The following DNTT variants were observed in gnomAD, a reference collection of about 807,000 sequenced individuals.
The protein encoded by DNTT is DNA nucleotidylexotransferase, also known as nucleosidetriphosphate:DNA deoxynucleotidylexotransferase.
Under a neutral mutation model 60.9 loss-of-function variants are expected in DNTT, and 47 were observed. The ratio of observed to expected loss-of-function variants is 0.77; its 90% CI spans 0.61 to 0.98. The LOEUF (loss-of-function observed/expected upper bound fraction) is 0.98. Ranked by LOEUF, DNTT falls within the 50% of genes least tolerant of loss-of-function variation. DNTT has a pLI of 0.00. For synonymous variants in DNTT, 224 were observed against 221.2 expected (o/e 1.01, Z -0.11); for missense variants, 665 against 627.5 (o/e 1.06, Z -0.64).
In DNTT at chr10:96,318,466, G is replaced by T. The variant is rs748830243; in HGVS notation, c.318G>T (p.Trp106Cys). 1 of 1,613,932 alleles carries T rather than the reference G, an allele frequency of 6.2e-7. No individual in the cohort carries two copies. Among genetic ancestry groups the T allele is most frequent in the South Asian group, 1.1e-5 (1 of 91,054 alleles). Residue 106 changes from tryptophan to cysteine, a missense_variant, in exon 2 of 11, where the codon TGG becomes TGT. Physicochemically the swap from Trp to Cys is radical, Grantham distance 215. Transcript: ENST00000371174. ...AACCAGAGCTCCTCGATGTCTCCTG[G>T]CTGATCGAATGCATAAGAGCAGGGA... ...SSQPELLDVS[W>C]LIECIRAGKP...
chr10:96,319,658 C>A (rs528248201), intron 3 of DNTT, among the ~76,000 whole-genome samples: 4 of 152,100 alleles, frequency 2.6e-5, no homozygotes, highest in African/African-American at 9.7e-5. Flanking sequence ...CATTAATGGG[C>A]GCAACACTTG....
In DNTT at chr10:96,330,086, C is replaced by T. The variant is rs577826955; in HGVS notation, c.1113+1256C>T. Reference sequence around the variant, plus strand: ...GGGAAGCCAGAGCCCAGAGGGCTGCCCTGTAGATAGCCGGGGCTGGAGATC... The same window carrying T: ...GGGAAGCCAGAGCCCAGAGGGCTGCTCTGTAGATAGCCGGGGCTGGAGATC... On this transcript the variant is annotated intron_variant, in intron 8 of 10. Transcript: ENST00000371174. Among the ~76,000 whole-genome samples, 39 of 152,292 alleles carry T rather than the reference C, an allele frequency of 2.6e-4. No homozygotes were observed. The South Asian group carries it at 7.7e-3, about 30-fold the overall frequency.
chr10:96,328,835 GAAGA>G lies in DNTT; in HGVS notation c.1113+10_1113+13del. The G allele has an allele frequency of 6.2e-7, 1 of 1,610,322 alleles. No homozygotes were observed. Among genetic ancestry groups the G allele is most frequent in the African/African-American group, 1.3e-5 (1 of 74,874 alleles). ...ATGAACTTATGGGAAAAGAAGGTGA[GAAGA>G]AAGATGAAAAATACATGCACACGCA... On this transcript the variant is annotated splice_donor_region_variant and intron_variant, in intron 8 of 10. Transcript: ENST00000371174.
chr10:96,304,523 T>G lies in DNTT; in HGVS notation c.26T>G (p.Leu9Trp). 1 of 1,613,958 alleles carries G rather than the reference T, an allele frequency of 6.2e-7. No individual in the cohort carries two copies. The highest frequency in any genetic ancestry group is 8.5e-7 in the Non-Finnish European group (1 of 1,180,008). The change falls in exon 1 of 11, where the codon TTG becomes TGG. Residue 9 changes from leucine (L) to tryptophan (W), a missense_variant. Transcript: ENST00000371174. ...ATGGATCCACCACGAGCGTCCCACTTGAGCCCTCGGAAGAAGAGACCCCGG... is the reference window on the plus strand; with the variant it reads ...ATGGATCCACCACGAGCGTCCCACTGGAGCCCTCGGAAGAAGAGACCCCGG... MDPPRASH[L>W]SPRKKRPRQT...
At chr10:96,335,589 C>T (rs550597877) in intron 9 of DNTT, among the ~76,000 whole-genome samples, 1 of 152,218 alleles carries the variant, frequency 6.6e-6, no homozygotes, top group Admixed American at 6.5e-5. Context: ...CCTGGTAGAA[C>T]GCTCACGCTA....
At chr10:96,330,435 G>T (rs991678963) in intron 8 of DNTT, among the ~76,000 whole-genome samples, 1 of 151,522 alleles carries the variant, frequency 6.6e-6, no homozygotes, top group East Asian at 1.9e-4. Flanking sequence ...TACACAAAAG[G>T]CTGCTATTCT....
chr10:96,337,311 T>C (rs1188742919), intron 10 of DNTT, among the ~76,000 whole-genome samples: 1 of 152,184 alleles, frequency 6.6e-6, no homozygotes, highest in Non-Finnish European at 1.5e-5. Flanking sequence ...GTGGCTCTGA[T>C]TGGCCAGACT....
chr10:96,320,246 C>A (rs7090840), intron 3 of DNTT, among the ~76,000 whole-genome samples: 141,973 of 152,284 alleles, frequency 0.93, 67,014 homozygotes, highest in Non-Finnish European at 1. Context: ...TTTCATGGGG[C>A]TGCTCAGTGA....
In DNTT at chr10:96,322,620, C is replaced by T. The variant is rs371971710; in HGVS notation, c.679-37C>T. 123 of 1,528,250 alleles carry T rather than the reference C, an allele frequency of 8.0e-5. 2 individuals carry two copies. In the African/African-American group the frequency reaches 1.3e-3, roughly 16 times the overall value. The allele number at this position is 1,528,250 out of a possible 1,614,324, so 94.7% of individuals were successfully genotyped here. On this transcript the variant is annotated intron_variant, in intron 4 of 10. Transcript: ENST00000371174. Reference sequence around the variant, plus strand: ...AGAGTCTTAGACAGTAATTGTCCAACATCACTAATTTAAAATATTTTTCAA... The same window carrying T: ...AGAGTCTTAGACAGTAATTGTCCAATATCACTAATTTAAAATATTTTTCAA...
At position 96,332,573 on chromosome 10, in the gene DNTT, C is replaced by T. The variant is rs1845020106; in HGVS notation, c.1336C>T (p.Leu446=). The stretch of plus-strand genomic sequence containing the variant: ...CCCCTACGAGCGTCGTGCCTTTGCC[C>T]TGTTGGGATGGACTGGCTCCCGGGT... ...LCPYERRAFA[L]LGWTGSRQFE... is the part of the protein sequence containing the mutation. The change falls in exon 9 of 11, where the codon CTG becomes TTG. Residue 446 remains leucine (L), a synonymous_variant. Coordinates refer to ENST00000371174, the MANE Select transcript of DNTT (RefSeq NM_004088.4). 1 of 1,612,758 alleles carries T rather than the reference C, an allele frequency of 6.2e-7. No individual in the cohort carries two copies.
At chr10:96,307,712 T>C (rs1163628409) in intron 1 of DNTT, among the ~76,000 whole-genome samples, 1 of 122,368 alleles carries the variant, frequency 8.2e-6, no homozygotes, top group Non-Finnish European at 1.6e-5. Flanking sequence ...TGTGTATATA[T>C]ATATATATAT....
At chr10:96,320,995 C>A (rs1354700665) in intron 4 of DNTT, among the ~76,000 whole-genome samples, 1 of 152,044 alleles carries the variant, frequency 6.6e-6, no homozygotes, top group East Asian at 1.9e-4. Context: ...CATACACACA[C>A]ACATACACAT....
intron 1 of DNTT, among the ~76,000 whole-genome samples, chr10:96,314,350 T>G (rs1844757616): frequency 6.8e-6 from 1 of 147,956 alleles, no homozygotes; most frequent in African/African-American, 2.5e-5. Flanking sequence ...CTGCTCCACC[T>G]ACTAATTATT....
rs544342101 is a variant in DNTT, at chr10:96,308,793, G to A, written c.203+4093G>A. Among the ~76,000 whole-genome samples the A allele has an allele frequency of 5.3e-5, 8 of 152,286 alleles. No individual in the cohort carries two copies. In the South Asian group the frequency reaches 1.7e-3, roughly 32 times the overall value. ...TGGGCAGGGGGCGGATCTCAACAAA[G>A]TACATTCTTAAAGGTGGGGAGAATT... On this transcript the variant is annotated intron_variant, in intron 1 of 10. Transcript: ENST00000371174.
intron 1 of DNTT, among the ~76,000 whole-genome samples, chr10:96,311,800 C>G (rs1039599613): frequency 6.6e-6 from 1 of 152,154 alleles, no homozygotes; most frequent in Non-Finnish European, 1.5e-5. Context: ...CGTGCCACCA[C>G]ACCCAGCTAA....
intron 1 of DNTT, among the ~76,000 whole-genome samples, chr10:96,307,734 A>AT (rs1564868534): frequency 0.037 from 2,664 of 72,342 alleles, 47 homozygotes; most frequent in Non-Finnish European, 0.052. Flanking sequence ...TATATATATA[A>AT]GCATATATAT....
At chr10:96,320,948 C>G (rs57119723) in intron 4 of DNTT, among the ~76,000 whole-genome samples, 160 bp downstream of exon 4, 1 of 15,228 alleles carries the variant, frequency 6.6e-5, no homozygotes, top group African/African-American at 8.5e-5. Context: ...GTCTCTCTCT[C>G]TCTCTCTCTC....
Position 96,312,667 on chromosome 10 carries a change from C to T in DNTT, c.204-5685C>T, listed in dbSNP as rs1037027817. ...AAATAGTTGCCTTTTTAAGTCATTA[C>T]ATTTTGGGATCACTGGTTATGCAAC... On this transcript the variant is annotated intron_variant, in intron 1 of 10. Transcript: ENST00000371174. Among the ~76,000 whole-genome samples the T allele has an allele frequency of 5.9e-5, 9 of 152,300 alleles. No individual in the cohort carries two copies. The East Asian group carries it at 7.7e-4, about 13-fold the overall frequency.
At chr10:96,312,163 T>C (rs377326846) in intron 1 of DNTT, among the ~76,000 whole-genome samples, 1 of 152,246 alleles carries the variant, frequency 6.6e-6, no homozygotes, top group Admixed American at 6.5e-5. Context: ...ACAGCTGTCA[T>C]TGAGGCCAAA....
Sources: allele counts gnomAD v4.1 joint callset (sites outside exome capture counted in the v4.1 genomes callset), GRCh38; gene constraint gnomAD v4.1.1; transcripts MANE v1.5; gene names NCBI Gene and HGNC (gene_info 2026-07-23, HGNC 2026-07-21).